The following COL24A1 variants were observed in gnomAD, a reference collection of about 807,000 sequenced individuals.
COL24A1 encodes the protein collagen type XXIV alpha 1 chain.
In COL24A1, 224 loss-of-function variants were observed where a neutral mutation model predicts 253.9. That is an observed-to-expected ratio of 0.88 (90% CI 0.79 to 0.99). The LOEUF is 0.99. Ranked by LOEUF, COL24A1 falls within the 50% of genes least tolerant of loss-of-function variation. COL24A1 has a pLI of 0.00. For synonymous variants in COL24A1, 685 were observed against 673.7 expected, an observed-to-expected ratio of 1.02 and a Z score of -0.26; for missense variants, 2,131 against 2,068.5, an observed-to-expected ratio of 1.03 and a Z score of -0.59.
At chr1:86,142,861 T>C (rs1297143975) in intron 2 of COL24A1, among the ~76,000 whole-genome samples, 1 of 152,142 alleles carries the variant, frequency 6.6e-6, no homozygotes, top group African/African-American at 2.4e-5. Context: ...AGACAGATTA[T>C]TGTAACCTTC....
At chr1:86,144,350 T>C (rs1651575401) in intron 2 of COL24A1, among the ~76,000 whole-genome samples, 1 of 152,098 alleles carries the variant, frequency 6.6e-6, no homozygotes, top group Non-Finnish European at 1.5e-5. Context: ...TGCATGGGTT[T>C]CTAATATTTT....
At chr1:85,783,459 C>G (rs1669341508) in intron 51 of COL24A1, 37 bp downstream of exon 51, 3 of 1,589,744 alleles carry the variant, frequency 1.9e-6, no homozygotes, top group Non-Finnish European at 2.6e-6. Context: ...AAGCAAAGAA[C>G]CACAATTTCT....
chr1:85,855,583 C>T lies in COL24A1; in HGVS notation c.3301-6177G>A, dbSNP rs561165242. ...AGCCTACTTGATCATGATGGATTAG[C>T]TTTTTGATGTGCTGCTAAATTCAGT... On this transcript the variant is annotated intron_variant, in intron 37 of 59. Transcript: ENST00000370571. 7.9e-5 allele frequency among the ~76,000 whole-genome samples: 12 copies of T among 152,300 alleles called. No homozygotes were observed. The East Asian group carries it at 2.3e-3, about 29-fold the overall frequency.
intron 8 of COL24A1, among the ~76,000 whole-genome samples, chr1:86,060,114 ATG>A (rs1282394092): frequency 2.0e-5 from 3 of 152,210 alleles, no homozygotes; most frequent in African/African-American, 7.2e-5. Flanking sequence ...AGGCTGATAG[ATG>A]GAGACCCAAA....
At chr1:85,797,510 A>G (rs1670965695) in intron 47 of COL24A1, among the ~76,000 whole-genome samples, 1 of 152,224 alleles carries the variant, frequency 6.6e-6, no homozygotes, top group African/African-American at 2.4e-5. Context: ...CACAAAGGCC[A>G]GAAAGTGGGG....
At chr1:85,979,198 G>C (rs1348352640) in intron 20 of COL24A1, among the ~76,000 whole-genome samples, 1 of 152,144 alleles carries the variant, frequency 6.6e-6, no homozygotes, top group Non-Finnish European at 1.5e-5. Flanking sequence ...GCAGTAGCAA[G>C]AGGAAAGTTC....
intron 45 of COL24A1, among the ~76,000 whole-genome samples, chr1:85,822,584 T>C (rs1222538831): frequency 6.6e-6 from 1 of 152,198 alleles, no homozygotes; most frequent in African/African-American, 2.4e-5. Flanking sequence ...ATTTGCCTTA[T>C]GAAAAAACAA....
At chr1:85,957,087 G>A (rs1690539157) in intron 24 of COL24A1, among the ~76,000 whole-genome samples, 1 of 152,050 alleles carries the variant, frequency 6.6e-6, no homozygotes, top group Non-Finnish European at 1.5e-5. Context: ...AACTAACAGA[G>A]GAACAGAAAA....
chr1:85,916,561 C>T (rs1685917856), intron 24 of COL24A1, among the ~76,000 whole-genome samples: 1 of 152,074 alleles, frequency 6.6e-6, no homozygotes, highest in Non-Finnish European at 1.5e-5. Context: ...CAACATGTTC[C>T]TGTAGTCCCA....
At chr1:85,948,854 A>G (rs1234263373) in intron 24 of COL24A1, among the ~76,000 whole-genome samples, 4 of 151,518 alleles carry the variant, frequency 2.6e-5, no homozygotes, top group Non-Finnish European at 5.9e-5. Context: ...AAATATATAT[A>G]TATTAAAAAA....
At position 86,092,265 on chromosome 1, in the gene COL24A1, A is replaced by G. The variant is rs1300406074; in HGVS notation, c.1653+2T>C. The G allele has an allele frequency of 1.3e-6, 2 of 1,590,748 alleles. No homozygotes were observed. Among genetic ancestry groups the G allele is most frequent in the Non-Finnish European group, 8.6e-7 (1 of 1,162,970 alleles). ...AATTTCATTTCATGGTCAAATAATT[A>G]CCTTTTCTCCAGGAACAGGTTGACC... is the stretch of plus-strand genomic sequence containing the variant. On this transcript the variant is annotated splice_donor_variant, in intron 6 of 59. Transcript: ENST00000370571. LOFTEE classifies it high-confidence loss of function.
intron 1 of COL24A1, among the ~76,000 whole-genome samples, chr1:86,153,704 A>G (rs886999556): frequency 2.0e-5 from 3 of 152,238 alleles, no homozygotes; most frequent in Non-Finnish European, 2.9e-5. Flanking sequence ...AATTTATTTG[A>G]ACACAAATAT....
At chr1:86,056,661 C>T (rs1700683097) in intron 10 of COL24A1, among the ~76,000 whole-genome samples, 2 of 152,098 alleles carry the variant, frequency 1.3e-5, no homozygotes, top group South Asian at 2.1e-4. Flanking sequence ...TGAGAGCAGC[C>T]TGGCCAACAT....
At chr1:86,063,233 T>C (rs1701221838) in intron 8 of COL24A1, among the ~76,000 whole-genome samples, 1 of 152,106 alleles carries the variant, frequency 6.6e-6, no homozygotes, top group African/African-American at 2.4e-5. Context: ...ACCATTCTAA[T>C]TTGGACTGTT....
intron 3 of COL24A1, among the ~76,000 whole-genome samples, chr1:86,117,362 G>T (rs985013271): frequency 6.6e-6 from 1 of 152,172 alleles, no homozygotes; most frequent in Non-Finnish European, 1.5e-5. Flanking sequence ...CAGCACGAAG[G>T]TGCCATCTAT....
At chr1:85,927,646 A>C (rs1687460699) in intron 24 of COL24A1, among the ~76,000 whole-genome samples, 3 of 83,044 alleles carry the variant, frequency 3.6e-5, no homozygotes. Context: ...GACAAACAAA[A>C]AGACAGCAGT....
At chr1:86,065,150 G>A (rs1026172661) in intron 7 of COL24A1, among the ~76,000 whole-genome samples, 1 of 152,152 alleles carries the variant, frequency 6.6e-6, no homozygotes, top group Admixed American at 6.6e-5. Flanking sequence ...AGCCAGGGTA[G>A]GAGGCTCATA....
intron 24 of COL24A1, among the ~76,000 whole-genome samples, chr1:85,933,107 AAAG>A (rs201121740): frequency 0.15 from 14,415 of 95,756 alleles, 710 homozygotes; most frequent in Non-Finnish European, 0.21. Flanking sequence ...AAAAAGAAAG[AAAG>A]AAAAAAAAAA....
chr1:86,127,615 C>T (rs895856607), intron 2 of COL24A1, among the ~76,000 whole-genome samples: 1 of 151,968 alleles, frequency 6.6e-6, no homozygotes, highest in Non-Finnish European at 1.5e-5. Context: ...AATTTCCCAT[C>T]TGTATCTTTG....
Sources: gnomAD v4.1 joint callset for allele counts (sites outside exome capture counted in the v4.1 genomes callset) on GRCh38, gnomAD v4.1.1 for gene constraint, MANE v1.5 for transcripts, NCBI Gene and HGNC (gene_info 2026-07-23, HGNC 2026-07-21) for gene names.